The following RABGAP1 variants were observed in gnomAD, a reference collection of about 807,000 sequenced individuals.
The protein encoded by RABGAP1 is RAB GTPase activating protein 1.
Under a neutral mutation model 137.6 loss-of-function variants are expected in RABGAP1, and 23 were observed. The observed-to-expected ratio is 0.17, with a 90% CI of 0.12 to 0.24. RABGAP1 has a LOEUF of 0.24. RABGAP1 is among the 10% of genes least tolerant of loss of function. The pLI is 1.00. For missense variants in RABGAP1, 906 were observed against 1,275.8 expected (o/e 0.71, Z 4.42); for synonymous variants, 451 against 450.7 (o/e 1.00, Z -0.01).
At position 123,090,589 on chromosome 9, in the gene RABGAP1, T is replaced by G. The variant is rs115380805; in HGVS notation, c.2628+204T>G. 4.6e-3 allele frequency among the ~76,000 whole-genome samples: 707 copies of G among 152,360 alleles called. 5 individuals are homozygous for G. Among genetic ancestry groups the G allele is most frequent in the African/African-American group, 0.016 (671 of 41,578 alleles). On this transcript the variant is annotated intron_variant, in intron 21 of 25. Transcript: ENST00000373647. ...ACAAAGCCCTCCTTACCACATTCTT[T>G]TCTCATTGTGCACATAATCCTTGAG...
At chr9:122,970,706 A>G (rs934379045) in intron 2 of RABGAP1, among the ~76,000 whole-genome samples, 4 of 152,128 alleles carry the variant, frequency 2.6e-5, no homozygotes, top group Admixed American at 6.6e-5. Context: ...AAAGTCTGTC[A>G]CTATTCCACC....
intron 1 of RABGAP1, among the ~76,000 whole-genome samples, chr9:122,942,664 C>A (rs13284547): frequency 8.4e-6 from 1 of 118,720 alleles, no homozygotes; most frequent in African/African-American, 4.3e-5. Context: ...AGCGAGACTC[C>A]GTCTCAAAAA....
At chr9:122,952,019 A>T (rs1271024272) in intron 1 of RABGAP1, among the ~76,000 whole-genome samples, 1 of 152,204 alleles carries the variant, frequency 6.6e-6, no homozygotes, top group Non-Finnish European at 1.5e-5. Flanking sequence ...TTGCAATAAA[A>T]ATCTGTAGTG....
At chr9:123,058,157 T>G (rs2033821909) in intron 13 of RABGAP1, among the ~76,000 whole-genome samples, 1 of 152,206 alleles carries the variant, frequency 6.6e-6, no homozygotes, top group Non-Finnish European at 1.5e-5. Context: ...ACTGTTCTAC[T>G]TTACAACCTT....
At chr9:123,035,046 C>T (rs746696391) in intron 13 of RABGAP1, 1 of 1,613,940 alleles carries the variant, frequency 6.2e-7, no homozygotes, top group African/African-American at 1.3e-5. Context: ...CGACCCTGGT[C>T]TTCCTGCCTT....
intron 19 of RABGAP1, among the ~76,000 whole-genome samples, chr9:123,084,719 T>C (rs2034814379): frequency 6.6e-6 from 1 of 152,222 alleles, no homozygotes; most frequent in Non-Finnish European, 1.5e-5. Context: ...GTAGCTAAAA[T>C]TTATTGAAAA....
intron 17 of RABGAP1, among the ~76,000 whole-genome samples, chr9:123,075,433 A>G (rs1374697114): frequency 6.6e-6 from 1 of 152,358 alleles, no homozygotes; most frequent in Non-Finnish European, 1.5e-5. Context: ...TTCAAAACAT[A>G]CAAAAATTCA....
At chr9:122,977,303 C>T (rs1835813384) in intron 2 of RABGAP1, among the ~76,000 whole-genome samples, 1 of 152,150 alleles carries the variant, frequency 6.6e-6, no homozygotes, top group South Asian at 2.1e-4. Context: ...AATGGACAGA[C>T]AAGGGTCAAT....
chr9:123,060,852 T>G (rs190962023), intron 13 of RABGAP1, among the ~76,000 whole-genome samples: 1 of 152,358 alleles, frequency 6.6e-6, no homozygotes, highest in East Asian at 1.9e-4. Context: ...TTTTTAACAT[T>G]TGTTATTATG....
At chr9:122,962,751 T>C (rs1834915747) in intron 2 of RABGAP1, among the ~76,000 whole-genome samples, 1 of 152,042 alleles carries the variant, frequency 6.6e-6, no homozygotes, top group African/African-American at 2.4e-5. Flanking sequence ...TAATACTAAA[T>C]GTAAGTAGAT....
chr9:122,970,963 G>A (rs1449101068), intron 2 of RABGAP1, among the ~76,000 whole-genome samples: 2 of 152,164 alleles, frequency 1.3e-5, no homozygotes, highest in Admixed American at 6.5e-5. Context: ...CTGAAAGCTG[G>A]AACTATACAT....
At chr9:123,088,085 A>G (rs1046833051) in intron 19 of RABGAP1, among the ~76,000 whole-genome samples, 1 of 150,258 alleles carries the variant, frequency 6.7e-6, no homozygotes, top group East Asian at 2.0e-4. Flanking sequence ...CTCTCTTGTC[A>G]CCCAGATTGG....
intron 19 of RABGAP1, among the ~76,000 whole-genome samples, chr9:123,077,785 A>G (rs573882365): frequency 2.5e-4 from 38 of 151,876 alleles, no homozygotes; most frequent in Middle Eastern, 3.4e-3. Context: ...TGTAGCCTCA[A>G]CCTCCCTGGA....
At chr9:123,027,135 A>ACTCTCGCT (rs1588293036) in intron 13 of RABGAP1, among the ~76,000 whole-genome samples, 1 of 123,848 alleles carries the variant, frequency 8.1e-6, no homozygotes, top group East Asian at 2.3e-4. Context: ...TTTGAGACGG[A>ACTCTCGCT]CTCTCGCTCT....
rs955031689 is a variant in RABGAP1, at chr9:122,989,855, A to C, written c.766-201A>C. On this transcript the variant is annotated intron_variant, in intron 5 of 25. Coordinates refer to ENST00000373647, the MANE Select transcript of RABGAP1 (RefSeq NM_012197.4). Reference sequence around the variant, plus strand: ...TTTAAATTGGATTTATAGTGCTTACAACCATTTCTTTTTTAAAACCCCTTG... The same window carrying C: ...TTTAAATTGGATTTATAGTGCTTACCACCATTTCTTTTTTAAAACCCCTTG... The C allele has an allele frequency of 1.2e-5, 7 of 564,240 alleles. No homozygotes were observed. The African/African-American group carries it at 1.3e-4, about 11-fold the overall frequency. The allele number at this position is 564,240 out of a possible 1,614,324, so 35.0% of individuals were successfully genotyped here. A position where few individuals can be genotyped will look rare whatever the true frequency, so the allele number is the denominator to read the frequency against.
chr9:122,940,411 C>A (rs562874047), upstream of RABGAP1: 1 of 152,086 alleles, frequency 6.6e-6, no homozygotes, highest in Non-Finnish European at 1.5e-5. Flanking sequence ...GGTTTTAGGA[C>A]TTGGCAGTCG....
At chr9:123,008,537 T>G (rs536541289) in intron 10 of RABGAP1, among the ~76,000 whole-genome samples, 18 of 135,780 alleles carry the variant, frequency 1.3e-4, no homozygotes, top group Non-Finnish European at 7.7e-5. Flanking sequence ...AGAGGGAGAC[T>G]CCATCTCAAA....
chr9:122,984,731 T>C lies in RABGAP1; in HGVS notation c.385+12T>C, dbSNP rs1564378643. On this transcript the variant is annotated intron_variant, in intron 3 of 25. Transcript: ENST00000373647. ...ACCTGGACAAGGAGGTTAGGATTGC[T>C]GCATTGCTTGCGTAACTGAAGGTTA... is the stretch of plus-strand genomic sequence containing the variant. 2 of 1,606,760 alleles carry C rather than the reference T, an allele frequency of 1.2e-6. No individual in the cohort carries two copies. Among genetic ancestry groups the C allele is most frequent in the African/African-American group, 1.3e-5 (1 of 74,860 alleles).
chr9:122,997,145 C>T, intron 8 of RABGAP1, 114 bp from the exon 9 acceptor site: 1 of 708,282 alleles, frequency 1.4e-6, no homozygotes, highest in Non-Finnish European at 2.4e-6. Flanking sequence ...TACACTTATC[C>T]TCTTCCATAT....
Sources: allele counts gnomAD v4.1 joint callset (sites outside exome capture counted in the v4.1 genomes callset), GRCh38; gene constraint gnomAD v4.1.1; transcripts MANE v1.5; gene names NCBI Gene and HGNC (gene_info 2026-07-23, HGNC 2026-07-21).